The following LOC128462377 variants were observed in gnomAD, a reference collection of about 807,000 sequenced individuals.
chr16:89,389,178 C>G, the LOC128462377 span, among the ~76,000 whole-genome samples: 2 of 152,006 alleles, frequency 1.3e-5, no homozygotes, highest in South Asian at 4.2e-4. Flanking sequence ...GCCACTACGT[C>G]TGGCTAATTT....
chr16:89,354,962 G>A, the LOC128462377 span, among the ~76,000 whole-genome samples: 4 of 152,192 alleles, frequency 2.6e-5, no homozygotes, highest in Non-Finnish European at 5.9e-5. Flanking sequence ...CCAAAGGAGT[G>A]AGGGCAACAG....
the LOC128462377 span, among the ~76,000 whole-genome samples, chr16:89,415,204 C>T: frequency 2.0e-5 from 3 of 151,752 alleles, no homozygotes; most frequent in Non-Finnish European, 2.9e-5. Flanking sequence ...TCTACCCACC[C>T]CTTCCTCCCA....
the LOC128462377 span, among the ~76,000 whole-genome samples, chr16:89,384,924 C>G: frequency 1.1e-5 from 1 of 93,714 alleles, no homozygotes; most frequent in Non-Finnish European, 2.1e-5. Flanking sequence ...ACGTTTCTGT[C>G]GCCCAGGCTG....
the LOC128462377 span, among the ~76,000 whole-genome samples, chr16:89,348,862 T>A: frequency 1.3e-5 from 2 of 150,704 alleles, no homozygotes; most frequent in African/African-American, 4.9e-5. Flanking sequence ...GGCTACCAGT[T>A]TTATTGTCTT....
the LOC128462377 span, among the ~76,000 whole-genome samples, chr16:89,335,365 G>GT: frequency 1.3e-5 from 2 of 152,188 alleles, no homozygotes; most frequent in Non-Finnish European, 2.9e-5. Flanking sequence ...CGAGGCATCC[G>GT]TGAGTCCCAC....
At chr16:89,351,165 G>C in the LOC128462377 span, among the ~76,000 whole-genome samples, 2 of 152,260 alleles carry the variant, frequency 1.3e-5, no homozygotes, top group Non-Finnish European at 2.9e-5. Context: ...CTCGTCAAGA[G>C]CACTGTTGTG....
At chr16:89,391,634 C>T in the LOC128462377 span, among the ~76,000 whole-genome samples, 1 of 152,218 alleles carries the variant, frequency 6.6e-6, no homozygotes, top group African/African-American at 2.4e-5. Context: ...GCTACACAGA[C>T]AGATACACAA....
the LOC128462377 span, among the ~76,000 whole-genome samples, chr16:89,398,218 T>C: frequency 6.6e-6 from 1 of 151,606 alleles, no homozygotes; most frequent in African/African-American, 2.4e-5. Context: ...AGATTACCTG[T>C]GACCTCAGCA....
chr16:89,375,562 C>T, the LOC128462377 span, among the ~76,000 whole-genome samples: 11 of 152,108 alleles, frequency 7.2e-5, no homozygotes, highest in South Asian at 1.2e-3. Context: ...CAGGCCCAAG[C>T]GATTCTCCTG....
At chr16:89,413,344 G>C in the LOC128462377 span, among the ~76,000 whole-genome samples, 1 of 152,168 alleles carries the variant, frequency 6.6e-6, no homozygotes, top group Admixed American at 6.5e-5. Context: ...AATGGAAGTG[G>C]ACTGGGCGCA....
the LOC128462377 span, among the ~76,000 whole-genome samples, chr16:89,394,173 C>T: frequency 6.2e-4 from 94 of 151,974 alleles, 2 homozygotes; most frequent in South Asian, 2.9e-3. Flanking sequence ...CTGAGGTCAA[C>T]GGGCAGGTGG....
chr16:89,358,599 C>G, the LOC128462377 span, among the ~76,000 whole-genome samples: 48 of 152,186 alleles, frequency 3.2e-4, no homozygotes, highest in African/African-American at 1.1e-3. Flanking sequence ...CTCACAAAAA[C>G]TTTAAAAATA....
At chr16:89,345,596 T>TA in the LOC128462377 span, among the ~76,000 whole-genome samples, 2 of 152,216 alleles carry the variant, frequency 1.3e-5, no homozygotes, top group African/African-American at 4.8e-5. Flanking sequence ...GGCATTTTGT[T>TA]ACAGCGGCAT....
chr16:89,351,887 G>A, the LOC128462377 span, among the ~76,000 whole-genome samples: 14 of 152,168 alleles, frequency 9.2e-5, no homozygotes, highest in Admixed American at 9.2e-4. Context: ...GTAAGCCTAC[G>A]GTCTGTCAAT....
At chr16:89,346,199 G>C in the LOC128462377 span, among the ~76,000 whole-genome samples, 1 of 138,178 alleles carries the variant, frequency 7.2e-6, no homozygotes, top group Non-Finnish European at 1.5e-5. Context: ...AATGAGCCAA[G>C]ATCACGCCAC....
chr16:89,333,039 G>GAACC, the LOC128462377 span, among the ~76,000 whole-genome samples: 8 of 152,132 alleles, frequency 5.3e-5, no homozygotes, highest in African/African-American at 1.7e-4. Flanking sequence ...GAGTGACAGG[G>GAACC]AACCCCCAGG....
At chr16:89,327,621 G>T in the LOC128462377 span, among the ~76,000 whole-genome samples, 1 of 152,124 alleles carries the variant, frequency 6.6e-6, no homozygotes, top group Non-Finnish European at 1.5e-5. Context: ...ATTTCTGCAT[G>T]CTACCAATAA....
At chr16:89,324,656 C>T in the LOC128462377 span, 1 of 379,922 alleles carries the variant, frequency 2.6e-6, no homozygotes, top group South Asian at 2.0e-5. Context: ...CTCCATCTTT[C>T]TTCCATGCTG....
At chr16:89,358,361 C>T in the LOC128462377 span, among the ~76,000 whole-genome samples, 6 of 152,364 alleles carry the variant, frequency 3.9e-5, no homozygotes, top group South Asian at 8.3e-4. Context: ...ACAGCTTCCA[C>T]GTTTGCAAAC....
Sources: gnomAD v4.1 joint callset for allele counts (sites outside exome capture counted in the v4.1 genomes callset) on GRCh38, gnomAD v4.1.1 for gene constraint, MANE v1.5 for transcripts.